NR1I2: variants seen among roughly 807,000 people sequenced by gnomAD.
NR1I2 encodes the protein orphan nuclear receptor PAR1.
In NR1I2, 42 loss-of-function variants were observed where a neutral mutation model predicts 43.3. That is an observed-to-expected ratio of 0.97 (90% CI 0.76 to 1.26). The LOEUF (loss-of-function observed/expected upper bound fraction) is 1.26, where lower values mean the gene tolerates loss of function less well. NR1I2 is among the 50% of genes most tolerant of loss of function. NR1I2 has a pLI of 0.00. For synonymous variants in NR1I2, 229 were observed against 215.0 expected (o/e 1.06, Z -0.57); for missense variants, 559 against 566.7 (o/e 0.99, Z 0.14).
intron 1 of NR1I2, among the ~76,000 whole-genome samples, chr3:119,799,569 TC>T (rs1388581826): frequency 2.0e-5 from 3 of 152,110 alleles, no homozygotes; most frequent in Admixed American, 6.5e-5. Context: ...CCATATTTTT[TC>T]TGATTAAAAA....
At position 119,817,336 on chromosome 3, in the gene NR1I2, T is replaced by C; in HGVS notation, c.*124T>C. On this transcript the variant is annotated 3_prime_UTR_variant, in exon 9 of 9. Coordinates refer to ENST00000393716, the MANE Select transcript of NR1I2 (RefSeq NM_003889.4). ...ACAATGCCCTGCTGGCCTGTCTCCC[T>C]AGGGAATTCCTGCTATGACAGCTGG... 6.4e-7 allele frequency: 1 copy of C among 1,569,794 alleles called. No individual in the cohort carries two copies. The highest frequency in any genetic ancestry group is 1.1e-5 in the South Asian group (1 of 87,860).
At chr3:119,783,279 C>T (rs2054802342) in intron 1 of NR1I2, among the ~76,000 whole-genome samples, 1 of 152,164 alleles carries the variant, frequency 6.6e-6, no homozygotes, top group Non-Finnish European at 1.5e-5. Context: ...TAACTCTGGC[C>T]CACCAGCTGT....
rs3030846 is a variant in NR1I2, at chr3:119,787,657, ATGTGTGTGTGTGTGTGTGTG to A, written c.-23+5388_-23+5407del. Among the ~76,000 whole-genome samples, 27 of 128,514 alleles carry A rather than the reference ATGTGTGTGTGTGTGTGTGTG, an allele frequency of 2.1e-4. No homozygotes were observed. The South Asian group carries it at 4.3e-3, about 20-fold the overall frequency. The allele number at this position is 128,514 out of a possible 152,430, so 84.3% of individuals were successfully genotyped here. A position where few individuals can be genotyped will look rare whatever the true frequency, so the allele number is the denominator to read the frequency against. On this transcript the variant is annotated intron_variant, in intron 1 of 8. Coordinates refer to ENST00000393716, the MANE Select transcript of NR1I2 (RefSeq NM_003889.4). ...TCCTCTGGCCAGTTCTGCTATTAAT[ATGTGTGTGTGTGTGTGTGTG>A]TGTGTGTGTGTGTGTGTGTGTGTGT... is the stretch of plus-strand genomic sequence containing the variant.
chr3:119,794,153 G>T (rs960421329), intron 1 of NR1I2, among the ~76,000 whole-genome samples: 1 of 151,958 alleles, frequency 6.6e-6, no homozygotes, highest in Admixed American at 6.6e-5. Flanking sequence ...AGGACTACAG[G>T]CATGCACCAA....
chr3:119,814,316 T>C (rs539135468), intron 5 of NR1I2, among the ~76,000 whole-genome samples: 10 of 152,274 alleles, frequency 6.6e-5, no homozygotes, highest in African/African-American at 1.9e-4. Flanking sequence ...AGGGTATCCA[T>C]GTAACCATAA....
intron 2 of NR1I2, among the ~76,000 whole-genome samples, chr3:119,808,560 G>A (rs1045104748): frequency 3.9e-5 from 6 of 152,354 alleles, no homozygotes; most frequent in African/African-American, 1.2e-4. Context: ...AGCAGTGTTC[G>A]TGCATCCTGC....
Position 119,814,651 on chromosome 3 carries a change from A to G in NR1I2, c.795-328A>G, listed in dbSNP as rs184986748. ...GGCAGAAAGGAGGAGGCCAGGGACCAGAAGCCAAAGCACTAGCTGTAGGTC... is the reference window on the plus strand; with the variant it reads ...GGCAGAAAGGAGGAGGCCAGGGACCGGAAGCCAAAGCACTAGCTGTAGGTC... On this transcript the variant is annotated intron_variant, in intron 5 of 8. Transcript: ENST00000393716. 2.0e-5 allele frequency among the ~76,000 whole-genome samples: 3 copies of G among 152,354 alleles called. No homozygotes were observed. The East Asian group carries it at 5.8e-4, about 29-fold the overall frequency.
chr3:119,816,978 G>C, intron 8 of NR1I2, 90 bp from the exon 9 acceptor site: 1 of 1,551,154 alleles, frequency 6.4e-7, no homozygotes, highest in African/African-American at 1.4e-5. Flanking sequence ...GAAATGTCCA[G>C]AGATTATGCT....
intron 1 of NR1I2, among the ~76,000 whole-genome samples, chr3:119,791,669 C>T (rs1001621393): frequency 1.3e-5 from 2 of 152,152 alleles, no homozygotes; most frequent in Non-Finnish European, 2.9e-5. Context: ...AATCCCAGCA[C>T]TTTGGGAGGC....
intron 2 of NR1I2, 99 bp from the exon 3 acceptor site, chr3:119,809,962 G>A: frequency 1.3e-6 from 2 of 1,489,664 alleles, no homozygotes; most frequent in Non-Finnish European, 1.9e-6. Context: ...CCCTCCCCGA[G>A]TCGGTAGGGG....
intron 1 of NR1I2, among the ~76,000 whole-genome samples, chr3:119,795,337 A>T (rs1452400549): frequency 1.3e-5 from 2 of 152,142 alleles, no homozygotes; most frequent in Admixed American, 1.3e-4. Context: ...GGGACATAAA[A>T]GGGCTCTGAG....
Position 119,807,378 on chromosome 3 carries a change from T to G in NR1I2, c.128T>G (p.Val43Gly). 6.2e-7 allele frequency: 1 copy of G among 1,614,180 alleles called. No homozygotes were observed. Residue 43 changes from valine to glycine, a missense_variant, in exon 2 of 9, where the codon GTA (valine) becomes GGA (glycine). Val to Gly is a moderately radical substitution (Grantham distance 109). Coordinates refer to ENST00000393716, the MANE Select transcript of NR1I2 (RefSeq NM_003889.4). ...GTCGGAGGTCCCCAAATCTGCCGTG[T>G]ATGTGGGGACAAGGCCACTGGCTAT...
Position 119,817,554 on chromosome 3 carries a change from G to A in NR1I2, c.*342G>A. On this transcript the variant is annotated 3_prime_UTR_variant, in exon 9 of 9. Transcript: ENST00000393716. ...CCTCAGATCCCACTAAAGTGTCAAG[G>A]TGTGGAAGGGACCAAGCGACCAAGG... The A allele has an allele frequency of 8.3e-7, 1 of 1,201,832 alleles. No homozygotes were observed. The highest frequency in any genetic ancestry group is 5.3e-5 in the East Asian group (1 of 18,890). The allele number at this position is 1,201,832 out of a possible 1,614,324, so 74.4% of individuals were successfully genotyped here. A position where few individuals can be genotyped will look rare whatever the true frequency, so the allele number is the denominator to read the frequency against.
Position 119,817,166 on chromosome 3 carries a change from T to G in NR1I2, c.1259T>G (p.Phe420Cys). ...CTGCGCATCCAGGACATACACCCCTTTGCTACGCCCCTCATGCAGGAGTTG... is the reference window on the plus strand; with the variant it reads ...CTGCGCATCCAGGACATACACCCCTGTGCTACGCCCCTCATGCAGGAGTTG... Residue 420 changes from phenylalanine (F) to cysteine (C), a missense_variant, in exon 9 of 9, where the codon TTT becomes TGT. Physicochemically the swap from Phe to Cys is radical, Grantham distance 205. Coordinates refer to ENST00000393716, the MANE Select transcript of NR1I2 (RefSeq NM_003889.4). The G allele has an allele frequency of 6.2e-7, 1 of 1,614,158 alleles. No homozygotes were observed.
At chr3:119,814,828 A>AGCC in intron 5 of NR1I2, 151 bp from the exon 6 acceptor site, 1 of 945,140 alleles carries the variant, frequency 1.1e-6, no homozygotes, top group Non-Finnish European at 1.6e-6. Flanking sequence ...GATGAGAGGC[A>AGCC]GCCAGACAGC....
At chr3:119,783,251 A>C (rs2054802060) in intron 1 of NR1I2, among the ~76,000 whole-genome samples, 2 of 152,256 alleles carry the variant, frequency 1.3e-5, no homozygotes, top group South Asian at 4.1e-4. Context: ...TGGGGTTGAC[A>C]AACTATGGCT....
intron 1 of NR1I2, among the ~76,000 whole-genome samples, chr3:119,800,898 A>T (rs143560348): frequency 8.5e-5 from 13 of 152,362 alleles, no homozygotes; most frequent in Non-Finnish European, 1.6e-4. Flanking sequence ...GGAAATGAAG[A>T]AAGTTTAATA....
At chr3:119,783,570 A>G (rs2054806847) in intron 1 of NR1I2, among the ~76,000 whole-genome samples, 2 of 152,244 alleles carry the variant, frequency 1.3e-5, no homozygotes, top group South Asian at 4.1e-4. Flanking sequence ...TTCCAAAATT[A>G]TTATGGAATA....
chr3:119,815,202 GC>G, intron 6 of NR1I2, 81 bp downstream of exon 6: 2 of 1,600,978 alleles, frequency 1.2e-6, no homozygotes, highest in Non-Finnish European at 1.7e-6. Context: ...GCCAGGATAT[GC>G]AGGTTCTGGG....
Sources: gnomAD v4.1 joint callset for allele counts (sites outside exome capture counted in the v4.1 genomes callset) on GRCh38, gnomAD v4.1.1 for gene constraint, MANE v1.5 for transcripts, NCBI Gene and HGNC (gene_info 2026-07-23, HGNC 2026-07-21) for gene names.